The following ABCC9 variants were observed in gnomAD, a reference collection of about 807,000 sequenced individuals.
ABCC9 encodes ATP binding cassette subfamily C member 9.
In ABCC9, 95 loss-of-function variants were observed where a neutral mutation model predicts 188.3. The observed-to-expected ratio is 0.50, with a 90% CI of 0.43 to 0.60. The LOEUF (loss-of-function observed/expected upper bound fraction) is 0.60, where lower values mean the gene tolerates loss of function less well. ABCC9 is among the 20% of genes least tolerant of loss of function. The probability of loss-of-function intolerance (pLI) is 0.00; values close to 1 mark genes in which losing one functional copy is unlikely to be tolerated. For missense variants in ABCC9, 1,102 were observed against 1,876.3 expected (o/e 0.59, Z 7.62); for synonymous variants, 659 against 652.7 (o/e 1.01, Z -0.15).
chr12:21,862,857 C>T (rs1945589432), intron 20 of ABCC9, 96 bp downstream of exon 20: 3 of 804,808 alleles, frequency 3.7e-6, no homozygotes, highest in Non-Finnish European at 6.4e-6. Flanking sequence ...AAGAAAATAC[C>T]AGATGTAAAG....
Position 21,827,349 on chromosome 12 carries a change from C to T in ABCC9, c.3669+1609G>A, listed in dbSNP as rs558498653. The T allele has an allele frequency of 1.3e-4, 123 of 982,410 alleles. 1 individual carries two copies. In the African/African-American group the frequency reaches 1.3e-3, roughly 10 times the overall value. The allele number at this position is 982,410 out of a possible 1,614,324, so 60.9% of individuals were successfully genotyped here. ...GAAACAGGAGTCGGTCAGACTCTCA[C>T]CTCAAGTCCAAGGCAAATATGCTTG... On this transcript the variant is annotated intron_variant, in intron 31 of 39. Transcript: ENST00000261200.
At position 21,852,144 on chromosome 12, in the gene ABCC9, C is replaced by T. The variant is rs759682679; in HGVS notation, c.2722G>A (p.Glu908Lys). The T allele has an allele frequency of 6.2e-7, 1 of 1,613,694 alleles. No individual in the cohort carries two copies. The highest frequency in any genetic ancestry group is 1.1e-5 in the South Asian group (1 of 91,070). Residue 908 changes from glutamate (E) to lysine (K), a missense_variant, in exon 24 of 40, where the codon GAA (glutamate) becomes AAA (lysine). Glu to Lys is a moderately conservative substitution (Grantham distance 56, BLOSUM62 1). Coordinates refer to ENST00000261200, the MANE Select transcript of ABCC9 (RefSeq NM_020297.4). ...CGATTCATAAGTGTTTTCCAGTGTT[C>T]ATAAAGCTCAACATCTTTGGTTTGA... ...DIQTKDVELYEHWKTLMNRQD... is the reference protein window; with the variant it reads ...DIQTKDVELYKHWKTLMNRQD...
intron 8 of ABCC9, 149 bp downstream of exon 8, chr12:21,912,723 A>G: frequency 1.3e-6 from 1 of 797,400 alleles, no homozygotes; most frequent in Non-Finnish European, 1.9e-6. Flanking sequence ...TTCTAAAAGG[A>G]AAATTACTGT....
intron 28 of ABCC9, among the ~76,000 whole-genome samples, chr12:21,843,307 C>G (rs2137377747): frequency 6.6e-6 from 1 of 152,106 alleles, no homozygotes; most frequent in Admixed American, 6.5e-5. Context: ...ATTAAGATGC[C>G]ACATTTATAC....
intron 14 of ABCC9, among the ~76,000 whole-genome samples, chr12:21,890,487 A>AT (rs1383112706): frequency 6.6e-6 from 1 of 152,028 alleles, no homozygotes; most frequent in African/African-American, 2.4e-5. Context: ...CATGTTTTAC[A>AT]TTTTTTCTCC....
Position 21,799,763 on chromosome 12 carries a change from A to G in ABCC9, c.*1281T>C, listed in dbSNP as rs1591910521. 6.6e-6 allele frequency: 1 copy of G among 152,190 alleles called. No homozygotes were observed. Among genetic ancestry groups the G allele is most frequent in the Non-Finnish European group, 1.5e-5 (1 of 68,028 alleles). The allele number at this position is 152,190 out of a possible 1,614,324, so 9.4% of individuals were successfully genotyped here. A position where few individuals can be genotyped will look rare whatever the true frequency, so the allele number is the denominator to read the frequency against. On this transcript the variant is annotated 3_prime_UTR_variant, in exon 40 of 40. Transcript: ENST00000261200. ...TCTTACAATGCATGTGGATCTTCAT[A>G]TGAAAAAGAAATCAATGATATTGAC...
At chr12:21,834,778 TA>T (rs1943975942) in intron 30 of ABCC9, among the ~76,000 whole-genome samples, 1 of 123,790 alleles carries the variant, frequency 8.1e-6, no homozygotes, top group African/African-American at 3.1e-5. Flanking sequence ...ATAGCATATA[TA>T]ACATTATACA....
chr12:21,856,092 A>G (rs1013750772), intron 22 of ABCC9, among the ~76,000 whole-genome samples: 1 of 152,204 alleles, frequency 6.6e-6, no homozygotes, highest in Non-Finnish European at 1.5e-5. Context: ...TGTATAAAGT[A>G]CTTAGAATCA....
chr12:21,848,369 T>C (rs1333060869), intron 24 of ABCC9, 123 bp from the exon 25 acceptor site: 6 of 813,618 alleles, frequency 7.4e-6, no homozygotes, highest in African/African-American at 1.7e-5. Context: ...CTGTGCTCAC[T>C]CTGGAGATCC....
intron 34 of ABCC9, among the ~76,000 whole-genome samples, chr12:21,815,537 C>G (rs1174589915): frequency 1.3e-5 from 2 of 152,142 alleles, no homozygotes; most frequent in Non-Finnish European, 2.9e-5. Flanking sequence ...CTATTGTTGA[C>G]TTTTCTGATC....
intron 20 of ABCC9, among the ~76,000 whole-genome samples, chr12:21,861,907 C>T (rs774315894): frequency 6.6e-6 from 1 of 152,064 alleles, no homozygotes; most frequent in African/African-American, 2.4e-5. Context: ...TGAGGACTGA[C>T]AGTCCTCAAG....
chr12:21,903,548 A>G (rs1387083919), intron 12 of ABCC9, among the ~76,000 whole-genome samples: 2 of 152,214 alleles, frequency 1.3e-5, no homozygotes, highest in Non-Finnish European at 2.9e-5. Context: ...CTCAGCCCCA[A>G]ATCTCCTTCA....
rs1025226359 is a variant in ABCC9, at chr12:21,941,029, G to A, written c.-137+171C>T. On this transcript the variant is annotated intron_variant, in intron 1 of 39. Coordinates refer to ENST00000261200, the MANE Select transcript of ABCC9 (RefSeq NM_020297.4). This position sits in a 1 kb window ranked among gnomAD's most constrained non-coding sequence, Gnocchi z 5.4. ...CCCACCCCTTCACTTCTCGAGCCGG[G>A]CCTCGTCCCTTAATTCTAGAAATAG... 4.6e-5 allele frequency among the ~76,000 whole-genome samples: 7 copies of A among 152,182 alleles called. No homozygotes were observed. Among genetic ancestry groups the A allele is most frequent in the African/African-American group, 1.7e-4 (7 of 41,440 alleles).
Sources: gnomAD v4.1 joint callset for allele counts (sites outside exome capture counted in the v4.1 genomes callset) on GRCh38, gnomAD v4.1.1 for gene constraint, Gnocchi (gnomAD v3.1) non-coding constraint, MANE v1.5 for transcripts, NCBI Gene and HGNC (gene_info 2026-07-23, HGNC 2026-07-21) for gene names.